ANK2: variants seen among roughly 807,000 people sequenced by gnomAD.
The protein encoded by ANK2 is ankyrin 2.
In ANK2, 83 loss-of-function variants were observed where a neutral mutation model predicts 360.5. The ratio of observed to expected loss-of-function variants is 0.23; its 90% CI spans 0.19 to 0.28. The LOEUF (loss-of-function observed/expected upper bound fraction) is 0.28, where lower values mean the gene tolerates loss of function less well. Ranked by LOEUF, ANK2 falls within the 10% of genes least tolerant of loss-of-function variation. The pLI is 1.00. For synonymous variants in ANK2, 1,740 were observed against 1,759.5 expected, an observed-to-expected ratio of 0.99 and a Z score of 0.28; for missense variants, 4,201 against 4,795.7, an observed-to-expected ratio of 0.88 and a Z score of 3.66.
At chr4:113,301,523 A>G (rs1448980244) in intron 22 of ANK2, among the ~76,000 whole-genome samples, 3 of 152,106 alleles carry the variant, frequency 2.0e-5, no homozygotes, top group African/African-American at 7.2e-5. Context: ...TTTCAAGTAT[A>G]TACTACATTG....
rs2096257359 is a variant in ANK2, at chr4:113,362,057, A to G, written c.10756+1160A>G. Among the ~76,000 whole-genome samples, 4 of 152,322 alleles carry G rather than the reference A, an allele frequency of 2.6e-5. No individual in the cohort carries two copies. In the South Asian group the frequency reaches 8.3e-4, roughly 32 times the overall value. ...GTGCCTATATTTATGCCTGTTATTT[A>G]AAAGTAAGAAAAGTTTTACTGAATA... On this transcript the variant is annotated intron_variant, in intron 39 of 45. Transcript: ENST00000357077.
chr4:113,251,475 C>CTTTTTTT (rs1167630240), intron 10 of ANK2, among the ~76,000 whole-genome samples: 22 of 88,116 alleles, frequency 2.5e-4, no homozygotes, highest in Admixed American at 3.0e-4. Flanking sequence ...AATACAAAAT[C>CTTTTTTT]TTTTTTTTTT....
At chr4:113,117,390 C>T (rs1256596243) in intron 1 of ANK2, 1 of 456,172 alleles carries the variant, frequency 2.2e-6, no homozygotes, top group Non-Finnish European at 4.4e-6. Context: ...CGGAAAATCC[C>T]CAGAGAACGT....
chr4:113,161,620 A>G (rs77308598), intron 1 of ANK2, among the ~76,000 whole-genome samples: 2,025 of 152,194 alleles, frequency 0.013, 32 homozygotes, highest in African/African-American at 0.046. Context: ...TGGGAAAAAT[A>G]AGAAAATGTC....
chr4:113,309,825 G>A (rs1238273212), intron 23 of ANK2, among the ~76,000 whole-genome samples: 1 of 152,102 alleles, frequency 6.6e-6, no homozygotes, highest in African/African-American at 2.4e-5. Flanking sequence ...TGGCCAATCA[G>A]AAGTTTTAAA....
At chr4:113,284,133 C>T (rs2063465967) in intron 18 of ANK2, among the ~76,000 whole-genome samples, 1 of 152,168 alleles carries the variant, frequency 6.6e-6, no homozygotes, top group African/African-American at 2.4e-5. Context: ...AGGATAGTTG[C>T]ATTTTTATAA....
intron 1 of ANK2, among the ~76,000 whole-genome samples, chr4:113,138,870 G>A (rs1017154067): frequency 6.6e-6 from 1 of 152,198 alleles, no homozygotes; most frequent in African/African-American, 2.4e-5. Flanking sequence ...CTTAATGCCT[G>A]TGAACTTTCA....
chr4:113,106,432 C>A (rs1581740621), intron 1 of ANK2, among the ~76,000 whole-genome samples: 1 of 152,238 alleles, frequency 6.6e-6, no homozygotes, highest in Admixed American at 6.5e-5. Context: ...TGGAGAAGGG[C>A]CTCCAAGCTG....
chr4:112,763,367 T>G, the ANK2 span, among the ~76,000 whole-genome samples: 1 of 151,628 alleles, frequency 6.6e-6, no homozygotes, highest in African/African-American at 2.4e-5. Flanking sequence ...TAGCTGGGAC[T>G]ACAGGTGCCC....
At chr4:112,898,761 C>T (rs996910764) in intron 1 of ANK2, among the ~76,000 whole-genome samples, 11 of 152,122 alleles carry the variant, frequency 7.2e-5, no homozygotes, top group Non-Finnish European at 1.0e-4. Flanking sequence ...TGAACATAGA[C>T]GTAAATAACT....
At chr4:113,328,887 T>G (rs1489579578) in intron 26 of ANK2, among the ~76,000 whole-genome samples, 1 of 152,248 alleles carries the variant, frequency 6.6e-6, no homozygotes, top group Admixed American at 6.5e-5. Flanking sequence ...AAAAATAACA[T>G]AAATGTTTTG....
the ANK2 span, among the ~76,000 whole-genome samples, chr4:112,706,351 G>A: frequency 6.6e-6 from 1 of 152,054 alleles, no homozygotes; most frequent in Non-Finnish European, 1.5e-5. Context: ...TACATCGCCC[G>A]GCCCAGGACC....
chr4:113,372,690 C>G, intron 43 of ANK2: 8 of 1,167,536 alleles, frequency 6.9e-6, no homozygotes, highest in Non-Finnish European at 9.8e-6. Flanking sequence ...GAGTGATCAA[C>G]CTGGATCAAT....
At position 113,265,014 on chromosome 4, in the gene ANK2, A is replaced by C; in HGVS notation, c.1485+19A>C. On this transcript the variant is annotated intron_variant, in intron 14 of 45. Transcript: ENST00000357077. ...AGCCAGGGTAGGTACTGGTGCCCTG[A>C]GGTTCTCTTCTATCGCAGCGCATGA... 6.4e-7 allele frequency: 1 copy of C among 1,552,152 alleles called. No homozygotes were observed. Among genetic ancestry groups the C allele is most frequent in the Non-Finnish European group, 8.7e-7 (1 of 1,146,344 alleles).
At chr4:112,856,104 T>A (rs539982958) in intron 1 of ANK2, among the ~76,000 whole-genome samples, 5 of 152,336 alleles carry the variant, frequency 3.3e-5, no homozygotes, top group African/African-American at 1.2e-4. Flanking sequence ...ATTTTTGGAC[T>A]GTCATTTAGA....
chr4:112,724,060 A>G, the ANK2 span, among the ~76,000 whole-genome samples: 2 of 151,850 alleles, frequency 1.3e-5, no homozygotes, highest in Admixed American at 1.3e-4. Flanking sequence ...AATACAGGAA[A>G]AATCTTTTTT....
At chr4:112,960,641 A>G (rs2034314404) in intron 2 of ANK2, among the ~76,000 whole-genome samples, 1 of 152,220 alleles carries the variant, frequency 6.6e-6, no homozygotes, top group Non-Finnish European at 1.5e-5. Flanking sequence ...TTGAGTTAAA[A>G]TAGATGAACT....
chr4:113,060,422 T>C (rs2072617634), intron 1 of ANK2, among the ~76,000 whole-genome samples: 3 of 152,094 alleles, frequency 2.0e-5, no homozygotes. Flanking sequence ...TGATTCCATA[T>C]TAAAGATGAC....
rs1206174921 is a variant in ANK2, at chr4:113,373,378, A to G, written c.11788A>G (p.Ile3930Val). 6.2e-7 allele frequency: 1 copy of G among 1,614,104 alleles called. No individual in the cohort carries two copies. Among genetic ancestry groups the G allele is most frequent in the Non-Finnish European group, 8.5e-7 (1 of 1,180,034 alleles). The change falls in exon 45 of 46, where the codon ATC (isoleucine) becomes GTC (valine). Residue 3930 changes from isoleucine (I) to valine (V), a missense_variant. This residue lies in a region of ANK2 where 2,642 missense variants were observed against 2,714.5 expected (regional missense o/e 0.97). Coordinates refer to ENST00000357077, the MANE Select transcript of ANK2 (RefSeq NM_001148.6). ...VQGMPQEPVN[I>V]EEGDGYSKVI... ...GGGAATGCCACAGGAACCTGTCAAC[A>G]TCGAGGAAGGGGATGGCTATTCCAA...
Sources: gnomAD v4.1 joint callset for allele counts (sites outside exome capture counted in the v4.1 genomes callset) on GRCh38, gnomAD v4.1.1 for gene constraint, gnomAD v4.1.1 regional missense constraint, MANE v1.5 for transcripts, NCBI Gene and HGNC (gene_info 2026-07-23, HGNC 2026-07-21) for gene names.